Variants in SCFD1 observed in about 807,000 individuals in gnomAD.
The protein encoded by SCFD1 is sec1 family domain containing 1.
SCFD1 carries 37 observed loss-of-function variants against 103.2 expected under a neutral mutation model. The observed-to-expected ratio is 0.36, with a 90% CI of 0.28 to 0.47. SCFD1 has a LOEUF of 0.47. Among genes scored for constraint, SCFD1 ranks in the 20% least tolerant of loss-of-function variants. The probability of loss-of-function intolerance (pLI) is 1.00; values close to 1 mark genes in which losing one functional copy is unlikely to be tolerated. For missense variants in SCFD1, 639 were observed against 761.2 expected (o/e 0.84, Z 1.89); for synonymous variants, 264 against 245.0 (o/e 1.08, Z -0.73).
chr14:30,640,496 G>A (rs1023455670), intron 6 of SCFD1, among the ~76,000 whole-genome samples: 1 of 152,192 alleles, frequency 6.6e-6, no homozygotes, highest in African/African-American at 2.4e-5. Flanking sequence ...TATGAATTGT[G>A]TTATATTGTT....
At chr14:30,735,036 G>GC in intron 24 of SCFD1, 178 bp downstream of exon 24, 1 of 537,812 alleles carries the variant, frequency 1.9e-6, no homozygotes, top group South Asian at 2.6e-5. Context: ...AAGTAATAAT[G>GC]TTTCCAGTAG....
At chr14:30,626,082 G>C (rs1883409251) in intron 1 of SCFD1, among the ~76,000 whole-genome samples, 1 of 152,006 alleles carries the variant, frequency 6.6e-6, no homozygotes, top group Non-Finnish European at 1.5e-5. Flanking sequence ...CACAGTGGGA[G>C]AGTTAATCCT....
chr14:30,722,913 T>C (rs1892752949), intron 23 of SCFD1: 1 of 157,748 alleles, frequency 6.3e-6, no homozygotes, highest in Non-Finnish European at 1.4e-5. Flanking sequence ...ACTTTACTCC[T>C]ATCCTATTAG....
chr14:30,727,119 T>A (rs1269190508), intron 23 of SCFD1, among the ~76,000 whole-genome samples: 1 of 152,154 alleles, frequency 6.6e-6, no homozygotes, highest in Non-Finnish European at 1.5e-5. Flanking sequence ...AGTTATCCTT[T>A]ACTTGGTTTC....
At chr14:30,728,519 C>T (rs780115401) in intron 23 of SCFD1, among the ~76,000 whole-genome samples, 8 of 152,176 alleles carry the variant, frequency 5.3e-5, no homozygotes, top group Non-Finnish European at 8.8e-5. Flanking sequence ...TTGCTGTCCA[C>T]GTGGAACCAT....
At chr14:30,631,649 A>C (rs1240552917) in intron 3 of SCFD1, among the ~76,000 whole-genome samples, 1 of 152,180 alleles carries the variant, frequency 6.6e-6, no homozygotes, top group East Asian at 1.9e-4. Flanking sequence ...ATAGTGGGCT[A>C]TCTGTGTTGT....
intron 13 of SCFD1, 102 bp from the exon 14 acceptor site, chr14:30,674,882 T>C: frequency 1.8e-6 from 1 of 565,316 alleles, no homozygotes; most frequent in Non-Finnish European, 3.1e-6. Context: ...TGTTACTGTT[T>C]CACTGTTCTG....
At chr14:30,642,860 T>C (rs946306576) in intron 6 of SCFD1, among the ~76,000 whole-genome samples, 1 of 152,180 alleles carries the variant, frequency 6.6e-6, no homozygotes, top group Admixed American at 6.5e-5. Flanking sequence ...TTTTAACAGA[T>C]ATTTATTCAT....
At chr14:30,667,842 C>G (rs1276993891) in intron 10 of SCFD1, among the ~76,000 whole-genome samples, 1 of 152,164 alleles carries the variant, frequency 6.6e-6, no homozygotes, top group Non-Finnish European at 1.5e-5. Context: ...ATTCAACTTA[C>G]AAGGGATGTG....
At chr14:30,712,742 G>T (rs573407823) in intron 19 of SCFD1, among the ~76,000 whole-genome samples, 3 of 152,160 alleles carry the variant, frequency 2.0e-5, no homozygotes, top group Admixed American at 6.5e-5. Context: ...CTGTGTATAG[G>T]ACTCTGTCTC....
chr14:30,682,587 T>C (rs1482458872), intron 14 of SCFD1, among the ~76,000 whole-genome samples: 2 of 152,234 alleles, frequency 1.3e-5, no homozygotes, highest in African/African-American at 4.8e-5. Context: ...TCCAGTTATC[T>C]TGCAGGGCAC....
Position 30,719,353 on chromosome 14 carries a change from C to A in SCFD1, c.1712C>A (p.Pro571His). Residue 571 changes from proline to histidine, a missense_variant, in exon 21 of 25, where the codon CCC becomes CAC. Coordinates refer to ENST00000458591, the MANE Select transcript of SCFD1 (RefSeq NM_016106.4). ...ACTGATGACTATAGATATTTTGATC[C>A]CAAAATGCTGCGGGGCAATGACAGG... Reference protein sequence around the residue: ...PETDDYRYFDPKMLRGNDSSV... With the variant: ...PETDDYRYFDHKMLRGNDSSV... 1 of 1,604,870 alleles carries A rather than the reference C, an allele frequency of 6.2e-7. No homozygotes were observed. The highest frequency in any genetic ancestry group is 8.5e-7 in the Non-Finnish European group (1 of 1,176,278).
At chr14:30,671,984 A>C (rs998155710) in intron 11 of SCFD1, among the ~76,000 whole-genome samples, 2 of 151,352 alleles carry the variant, frequency 1.3e-5, no homozygotes, top group African/African-American at 4.9e-5. Flanking sequence ...ATTGCACTCC[A>C]GCCTGGGCAA....
Position 30,708,072 on chromosome 14 carries a change from A to G in SCFD1, c.1629+7A>G. Reference sequence around the variant, plus strand: ...CCTGGTTTTGAAACAGCAAGTAAGTACACTTGTTAGAAAACATACTGGTAA... The same window carrying G: ...CCTGGTTTTGAAACAGCAAGTAAGTGCACTTGTTAGAAAACATACTGGTAA... On this transcript the variant is annotated splice_region_variant and intron_variant, in intron 19 of 24. Transcript: ENST00000458591. 2 of 1,577,922 alleles carry G rather than the reference A, an allele frequency of 1.3e-6. No homozygotes were observed. The highest frequency in any genetic ancestry group is 1.7e-6 in the Non-Finnish European group (2 of 1,147,126).
At chr14:30,705,758 AAT>A (rs996293377) in intron 17 of SCFD1, 63 bp from the exon 18 acceptor site, 1 of 1,239,866 alleles carries the variant, frequency 8.1e-7, no homozygotes, top group African/African-American at 1.5e-5. Flanking sequence ...TAGATATTTT[AAT>A]ACCGTGACAC....
chr14:30,629,759 G>A (rs933833551), intron 2 of SCFD1, among the ~76,000 whole-genome samples: 1 of 151,962 alleles, frequency 6.6e-6, no homozygotes, highest in Non-Finnish European at 1.5e-5. Flanking sequence ...TGTATTTTTA[G>A]TAGAGAAAGG....
chr14:30,643,868 CTTTTA>C (rs763048507), intron 7 of SCFD1: 23 of 429,600 alleles, frequency 5.4e-5, no homozygotes, highest in Non-Finnish European at 9.7e-5. Context: ...TTATTTTCAA[CTTTTA>C]TTTTAGGTTT....
intron 21 of SCFD1, among the ~76,000 whole-genome samples, chr14:30,719,637 A>G (rs920304374): frequency 6.6e-6 from 1 of 152,164 alleles, no homozygotes; most frequent in Non-Finnish European, 1.5e-5. Context: ...GAGGTATTAG[A>G]AACTAATTGT....
rs147326276 is a variant in SCFD1, at chr14:30,678,611, T to C, written c.1242+3546T>C. Among the ~76,000 whole-genome samples, 76 of 152,272 alleles carry C rather than the reference T, an allele frequency of 5.0e-4. No homozygotes were observed. The East Asian group carries it at 0.011, about 21-fold the overall frequency. ...ACAGCCTGTTTTAATTATTCTTAGC[T>C]CACCTATGTAGCAAACCTGAATAAA... is the stretch of plus-strand genomic sequence containing the variant. On this transcript the variant is annotated intron_variant, in intron 14 of 24. Coordinates refer to ENST00000458591, the MANE Select transcript of SCFD1 (RefSeq NM_016106.4).
Sources: gnomAD v4.1 joint callset for allele counts (sites outside exome capture counted in the v4.1 genomes callset) on GRCh38, gnomAD v4.1.1 for gene constraint, MANE v1.5 for transcripts, NCBI Gene and HGNC (gene_info 2026-07-23, HGNC 2026-07-21) for gene names.